The following SMOC2 variants were observed in gnomAD, a reference collection of about 807,000 sequenced individuals.
SMOC2 encodes SPARC-related modular calcium-binding protein 2.
SMOC2 carries 39 observed loss-of-function variants against 61.4 expected under a neutral mutation model. That is an observed-to-expected ratio of 0.64 (90% CI 0.49 to 0.83). SMOC2 has a LOEUF of 0.83. SMOC2 is among the 40% of genes least tolerant of loss of function. The probability of loss-of-function intolerance (pLI) is 0.00; values close to 1 mark genes in which losing one functional copy is unlikely to be tolerated. For synonymous variants in SMOC2, 247 were observed against 239.9 expected, an observed-to-expected ratio of 1.03 and a Z score of -0.27; for missense variants, 556 against 592.9, an observed-to-expected ratio of 0.94 and a Z score of 0.65.
At chr6:168,505,698 C>T (rs1053144641) in intron 1 of SMOC2, among the ~76,000 whole-genome samples, 1 of 152,206 alleles carries the variant, frequency 6.6e-6, no homozygotes, top group Non-Finnish European at 1.5e-5. Flanking sequence ...ACAGGATTTC[C>T]ATATTTGCTT....
chr6:168,499,091 C>T (rs1782663949), intron 1 of SMOC2, among the ~76,000 whole-genome samples: 1 of 143,918 alleles, frequency 6.9e-6, no homozygotes, highest in African/African-American at 2.6e-5. Context: ...CATGGAAACC[C>T]TGGGTCCTCC....
At chr6:168,483,887 T>C (rs1782269079) in intron 1 of SMOC2, among the ~76,000 whole-genome samples, 1 of 152,174 alleles carries the variant, frequency 6.6e-6, no homozygotes, top group Non-Finnish European at 1.5e-5. Flanking sequence ...CAGGTATCTA[T>C]ATGCAAAAGA....
intron 4 of SMOC2, among the ~76,000 whole-genome samples, chr6:168,530,290 C>T (rs1783558205): frequency 6.6e-6 from 1 of 152,116 alleles, no homozygotes; most frequent in African/African-American, 2.4e-5. Context: ...CCAAAGCCTC[C>T]CAGCTTTTCA....
At position 168,653,147 on chromosome 6, in the gene SMOC2, A is replaced by T. The variant is rs1420222598; in HGVS notation, c.1204A>T (p.Lys402Ter). 1 of 1,614,110 alleles carries T rather than the reference A, an allele frequency of 6.2e-7. No individual in the cohort carries two copies. The highest frequency in any genetic ancestry group is 8.5e-7 in the Non-Finnish European group (1 of 1,180,044). Residue 402 changes from lysine (K) to a stop codon, truncating the protein, a stop_gained, in exon 11 of 13, where the codon AAA becomes TAA. Transcript: ENST00000356284. LOFTEE classifies it high-confidence loss of function. ...FVEYCDVNND[K>*]SISVQELMGC... ...TGAATACTGTGACGTGAATAATGAC[A>T]AATCCATCTCCGTACAAGAACTGAT...
intron 9 of SMOC2, among the ~76,000 whole-genome samples, chr6:168,626,466 T>TTC (rs1388037181): frequency 2.0e-5 from 3 of 152,148 alleles, no homozygotes; most frequent in Non-Finnish European, 4.4e-5. Context: ...TATGAAGAAA[T>TTC]CAGAATCCAT....
intron 7 of SMOC2, among the ~76,000 whole-genome samples, chr6:168,578,021 G>A (rs761680611): frequency 7.9e-5 from 12 of 152,184 alleles, no homozygotes; most frequent in Non-Finnish European, 1.6e-4. Flanking sequence ...CAAAACCTTG[G>A]GGAAGTCACC....
rs542366837 is a variant in SMOC2 at position 168,517,357 on chromosome 6, C to T, written c.256+7271C>T. Among the ~76,000 whole-genome samples, 28 of 152,328 alleles carry T rather than the reference C, an allele frequency of 1.8e-4. No homozygotes were observed. In the South Asian group the frequency reaches 2.9e-3, roughly 16 times the overall value. ...GGCACCTTCCCAGGCCTTCTCAAGCCGCCTCACGCCTGCTCCTGATGCTTC... is the reference window on the plus strand; with the variant it reads ...GGCACCTTCCCAGGCCTTCTCAAGCTGCCTCACGCCTGCTCCTGATGCTTC... On this transcript the variant is annotated intron_variant, in intron 2 of 12. Transcript: ENST00000356284.
At chr6:168,552,834 C>CA in intron 7 of SMOC2, among the ~76,000 whole-genome samples, 1 of 141,910 alleles carries the variant, frequency 7.0e-6, no homozygotes, top group Non-Finnish European at 1.5e-5. Flanking sequence ...CCCACCCCCC[C>CA]ACCAGCCTGT....
chr6:168,458,084 G>GCCCCCCA (rs1781629491), intron 1 of SMOC2, among the ~76,000 whole-genome samples: 1 of 152,178 alleles, frequency 6.6e-6, no homozygotes, highest in South Asian at 2.1e-4. Context: ...AGGAAGGCTG[G>GCCCCCCA]GGGGATGTCA....
intron 7 of SMOC2, among the ~76,000 whole-genome samples, chr6:168,554,471 G>GCTGGGCTCCTGGGCTC (rs371484336): frequency 6.6e-6 from 1 of 152,162 alleles, no homozygotes. Flanking sequence ...GAAGCATTCT[G>GCTGGGCTCCTGGGCTC]CTGGGCTCCT....
intron 11 of SMOC2, among the ~76,000 whole-genome samples, chr6:168,663,537 TAG>T (rs1011066187): frequency 1.3e-5 from 2 of 152,104 alleles, no homozygotes; most frequent in African/African-American, 4.8e-5. Flanking sequence ...GGATTTACCT[TAG>T]AGTTTGGGGT....
At chr6:168,636,348 G>A (rs1786719214) in intron 9 of SMOC2, among the ~76,000 whole-genome samples, 1 of 152,208 alleles carries the variant, frequency 6.6e-6, no homozygotes, top group Non-Finnish European at 1.5e-5. Flanking sequence ...TTCTTAGGAT[G>A]GGTCTTCCCA....
chr6:168,495,171 C>G (rs559020169), intron 1 of SMOC2, among the ~76,000 whole-genome samples: 6 of 152,340 alleles, frequency 3.9e-5, no homozygotes, highest in Non-Finnish European at 8.8e-5. Context: ...TATGTGGGCT[C>G]CTGCAGACCA....
chr6:168,611,428 G>A (rs1270547022), intron 9 of SMOC2, among the ~76,000 whole-genome samples: 7 of 128,258 alleles, frequency 5.5e-5, no homozygotes, highest in Non-Finnish European at 8.2e-5. Context: ...CGTGGCTCCC[G>A]TGTCGGGCCT....
chr6:168,623,225 C>G (rs1473587918), intron 9 of SMOC2, among the ~76,000 whole-genome samples: 2 of 152,048 alleles, frequency 1.3e-5, no homozygotes, highest in South Asian at 2.1e-4. Context: ...ATGCAATACT[C>G]TAAAAGGACA....
chr6:168,652,021 A>C (rs1021151559), intron 10 of SMOC2, among the ~76,000 whole-genome samples: 9 of 149,728 alleles, frequency 6.0e-5, no homozygotes, highest in African/African-American at 2.2e-4. Flanking sequence ...AGCCAGGACA[A>C]CAAGAGCAAA....
intron 4 of SMOC2, among the ~76,000 whole-genome samples, chr6:168,533,639 G>A (rs1783662863): frequency 6.6e-6 from 1 of 152,144 alleles, no homozygotes; most frequent in African/African-American, 2.4e-5. Flanking sequence ...GCAGTGGCTT[G>A]GCTTGACCTG....
intron 1 of SMOC2, among the ~76,000 whole-genome samples, chr6:168,471,852 G>A (rs1253973987): frequency 6.6e-6 from 1 of 152,154 alleles, no homozygotes; most frequent in Non-Finnish European, 1.5e-5. Context: ...ATGATGTTGA[G>A]CATCTTTTCT....
intron 5 of SMOC2, among the ~76,000 whole-genome samples, chr6:168,546,236 T>C (rs1029819081): frequency 3.3e-5 from 3 of 90,778 alleles, no homozygotes; most frequent in East Asian, 2.8e-4. Flanking sequence ...CAAAATGATA[T>C]AAGCAAGCTT....
Sources: gnomAD v4.1 joint callset for allele counts (sites outside exome capture counted in the v4.1 genomes callset) on GRCh38, gnomAD v4.1.1 for gene constraint, MANE v1.5 for transcripts, NCBI Gene and HGNC (gene_info 2026-07-23, HGNC 2026-07-21) for gene names.